TMEM200A: variants seen among roughly 807,000 people sequenced by gnomAD.
The protein encoded by TMEM200A is transmembrane protein 200A.
A neutral mutation model predicts 24.3 loss-of-function variants in TMEM200A; 12 were observed. The observed-to-expected ratio is 0.49, with a 90% confidence interval of 0.32 to 0.80. The LOEUF is 0.80. Ranked by LOEUF, TMEM200A falls within the 30% of genes least tolerant of loss-of-function variation. The probability of loss-of-function intolerance (pLI) is 0.04; values close to 1 mark genes in which losing one functional copy is unlikely to be tolerated. For synonymous variants in TMEM200A, 224 were observed against 224.4 expected, an observed-to-expected ratio of 1.00 and a Z score of 0.02; for missense variants, 545 against 614.4, an observed-to-expected ratio of 0.89 and a Z score of 1.19.
intron 2 of TMEM200A, among the ~76,000 whole-genome samples, chr6:130,430,749 C>T (rs929168830): frequency 6.6e-6 from 1 of 152,156 alleles, no homozygotes; most frequent in African/African-American, 2.4e-5. Flanking sequence ...TCCCTTCACA[C>T]CTGTTTCTAC....
chr6:130,425,902 G>A (rs73626753), intron 2 of TMEM200A, among the ~76,000 whole-genome samples: 5,932 of 152,210 alleles, frequency 0.039, 379 homozygotes, highest in African/African-American at 0.13. Context: ...AGTTATGTTT[G>A]TCTATGGATC....
intron 2 of TMEM200A, among the ~76,000 whole-genome samples, chr6:130,410,620 C>T (rs1288234868): frequency 6.6e-6 from 1 of 152,124 alleles, no homozygotes; most frequent in African/African-American, 2.4e-5. Context: ...AGTCATTGCT[C>T]CTGTTGAGTG....
chr6:130,396,305 A>C (rs1216096997), intron 2 of TMEM200A, among the ~76,000 whole-genome samples: 1 of 149,726 alleles, frequency 6.7e-6, no homozygotes, highest in Non-Finnish European at 1.5e-5. Flanking sequence ...TTGTTTGTTT[A>C]TATTTTTATT....
intron 2 of TMEM200A, among the ~76,000 whole-genome samples, chr6:130,392,287 ATGT>A (rs1218004263): frequency 6.6e-6 from 1 of 152,206 alleles, no homozygotes; most frequent in Non-Finnish European, 1.5e-5. Context: ...ATAAAAGTAG[ATGT>A]TATTATCTCA....
intron 1 of TMEM200A, among the ~76,000 whole-genome samples, chr6:130,380,132 A>C (rs187556112): frequency 1.3e-5 from 2 of 152,350 alleles, no homozygotes; most frequent in Admixed American, 1.3e-4. Context: ...AAATGGGATT[A>C]AAAGTTACTG....
chr6:130,370,505 A>G (rs1430340185), intron 1 of TMEM200A, among the ~76,000 whole-genome samples: 2 of 152,178 alleles, frequency 1.3e-5, no homozygotes, highest in African/African-American at 4.8e-5. Flanking sequence ...AATCAAAAAC[A>G]ATAGTCTATT....
At position 130,440,576 on chromosome 6, in the gene TMEM200A, C is replaced by G; in HGVS notation, c.154C>G (p.Arg52Gly). 6.2e-7 allele frequency: 1 copy of G among 1,614,036 alleles called. No homozygotes were observed. The highest frequency in any genetic ancestry group is 8.5e-7 in the Non-Finnish European group (1 of 1,179,966). The change falls in exon 3 of 3, where the codon CGT becomes GGT. Residue 52 changes from arginine to glycine, a missense_variant. Physicochemically the swap from Arg to Gly is moderately radical, Grantham distance 125. Coordinates refer to ENST00000296978, the MANE Select transcript of TMEM200A (RefSeq NM_001258277.2). ...GCCCCGGGCAGATGTTGTGGTTGTTCGTGGCAAAATCCGGCTTTATTCCCC... is the reference window on the plus strand; with the variant it reads ...GCCCCGGGCAGATGTTGTGGTTGTTGGTGGCAAAATCCGGCTTTATTCCCC... The part of the protein sequence containing the change: ...RRPRADVVVV[R>G]GKIRLYSPSG...
chr6:130,368,592 T>C (rs573887343), intron 1 of TMEM200A, among the ~76,000 whole-genome samples: 3 of 152,228 alleles, frequency 2.0e-5, no homozygotes, highest in Non-Finnish European at 2.9e-5. Flanking sequence ...TTTTGTCTGC[T>C]GAGATCTGAT....
At chr6:130,382,443 AC>A (rs1373444014) in intron 1 of TMEM200A, among the ~76,000 whole-genome samples, 1 of 152,046 alleles carries the variant, frequency 6.6e-6, no homozygotes, top group African/African-American at 2.4e-5. Flanking sequence ...TTCTAGACCC[AC>A]CTTGAATTAG....
At chr6:130,398,763 A>G (rs979531487) in intron 2 of TMEM200A, among the ~76,000 whole-genome samples, 8 of 151,982 alleles carry the variant, frequency 5.3e-5, no homozygotes, top group African/African-American at 1.9e-4. Flanking sequence ...TCATGTATAT[A>G]TTTGTTGACT....
At chr6:130,368,104 A>G (rs913263998) in intron 1 of TMEM200A, among the ~76,000 whole-genome samples, 1 of 152,188 alleles carries the variant, frequency 6.6e-6, no homozygotes, top group Non-Finnish European at 1.5e-5. Context: ...TGTACTTGTT[A>G]TTTTAACTTA....
intron 2 of TMEM200A, among the ~76,000 whole-genome samples, chr6:130,425,633 C>G (rs565785258): frequency 2.6e-5 from 4 of 152,142 alleles, no homozygotes; most frequent in Non-Finnish European, 5.9e-5. Flanking sequence ...AATATAGTGG[C>G]TGCAAAAATT....
intron 2 of TMEM200A, among the ~76,000 whole-genome samples, chr6:130,403,613 T>G (rs1412461428): frequency 2.0e-5 from 3 of 151,492 alleles, no homozygotes; most frequent in Non-Finnish European, 4.4e-5. Flanking sequence ...TAAATCCTTC[T>G]TATTTCAGGA....
At chr6:130,381,861 G>A (rs57658671) in intron 1 of TMEM200A, 1 of 963,444 alleles carries the variant, frequency 1.0e-6, no homozygotes, top group African/African-American at 1.8e-5. Context: ...AGAAATTGCT[G>A]ACTGAAGGTT....
intron 2 of TMEM200A, among the ~76,000 whole-genome samples, chr6:130,423,836 T>G (rs1474247441): frequency 6.6e-6 from 1 of 152,066 alleles, no homozygotes; most frequent in Non-Finnish European, 1.5e-5. Flanking sequence ...GATTTACGCA[T>G]TAGGTGGTAT....
intron 2 of TMEM200A, among the ~76,000 whole-genome samples, chr6:130,423,455 C>G (rs1779651707): frequency 6.6e-6 from 1 of 151,908 alleles, no homozygotes; most frequent in African/African-American, 2.4e-5. Flanking sequence ...TTGAATACAC[C>G]CTAATTAGTT....
intron 2 of TMEM200A, among the ~76,000 whole-genome samples, chr6:130,386,900 C>T (rs459441): frequency 6.6e-6 from 1 of 152,196 alleles, no homozygotes. Flanking sequence ...TAAGGCACTC[C>T]TGCATTACTC....
chr6:130,395,269 A>C (rs967793509), intron 2 of TMEM200A, among the ~76,000 whole-genome samples: 2 of 152,192 alleles, frequency 1.3e-5, no homozygotes, highest in Non-Finnish European at 2.9e-5. Context: ...CCTAGAAAAG[A>C]GGTCATTTCA....
intron 1 of TMEM200A, among the ~76,000 whole-genome samples, chr6:130,369,628 T>A (rs1309536628): frequency 6.6e-6 from 1 of 152,214 alleles, no homozygotes; most frequent in Non-Finnish European, 1.5e-5. Context: ...GTAATTGATA[T>A]GACTCTTCCA....
Sources: gnomAD v4.1 joint callset for allele counts (sites outside exome capture counted in the v4.1 genomes callset) on GRCh38, gnomAD v4.1.1 for gene constraint, MANE v1.5 for transcripts, NCBI Gene and HGNC (gene_info 2026-07-23, HGNC 2026-07-21) for gene names.